The following RNF38 variants were observed in gnomAD, a reference collection of about 807,000 sequenced individuals.
RNF38 encodes the protein E3 ubiquitin-protein ligase RNF38.
A neutral mutation model predicts 67.2 loss-of-function variants in RNF38; 15 were observed. That is an observed-to-expected ratio of 0.22 (90% confidence interval 0.15 to 0.34). The LOEUF is 0.34. RNF38 is among the 10% of genes least tolerant of loss of function. RNF38 has a pLI of 1.00. For synonymous variants in RNF38, 220 were observed against 218.8 expected, an observed-to-expected ratio of 1.01 and a Z score of -0.05; for missense variants, 524 against 639.9, an observed-to-expected ratio of 0.82 and a Z score of 1.95.
chr9:36,385,380 C>CTT (rs544217136), intron 2 of RNF38, among the ~76,000 whole-genome samples: 5,573 of 138,446 alleles, frequency 0.04, 193 homozygotes, highest in Admixed American at 0.12. Flanking sequence ...TCCACTACAG[C>CTT]TTTTTTTTTT....
Position 36,459,067 on chromosome 9 carries a change from G to A in RNF38, n.241+28241C>T, listed in dbSNP as rs182520509. On this transcript the variant is annotated intron_variant and non_coding_transcript_variant, in intron 1 of 3. Coordinates refer to the RNF38 transcript ENST00000488058. ...TACTAAAAATACAAAAATTAGGTGG[G>A]CGTGGTAGTGCAGGCCTGCAATCCC... Among the ~76,000 whole-genome samples the A allele has an allele frequency of 2.8e-3, 420 of 152,116 alleles. 3 individuals carry two copies. Among genetic ancestry groups the A allele is most frequent in the Middle Eastern group, 6.8e-3 (2 of 294 alleles).
At chr9:36,375,242 G>A (rs1018742935) in intron 3 of RNF38, among the ~76,000 whole-genome samples, 2 of 152,166 alleles carry the variant, frequency 1.3e-5, no homozygotes. Flanking sequence ...CAACGCTAGA[G>A]TGCAGTGGAA....
chr9:36,390,538 G>A lies in RNF38; in HGVS notation c.91C>T (p.Leu31=), dbSNP rs778270316. 1.3e-5 allele frequency: 21 copies of A among 1,614,048 alleles called. No homozygotes were observed. Among genetic ancestry groups the A allele is most frequent in the Non-Finnish European group, 1.8e-5 (21 of 1,179,936 alleles). The stretch of plus-strand genomic sequence containing the variant: ...TGATCACTTGGGAGGAGAGGGAACA[G>A]GCTCTGAAGTCTCACCCTTTCACAA... ...VICERVRLQS[L]FPLLPSDQNT... The change falls in exon 2 of 12, where the codon CTG becomes TTG. Residue 31 remains leucine, a synonymous_variant. Coordinates refer to ENST00000259605, the MANE Select transcript of RNF38 (RefSeq NM_022781.5).
At chr9:36,479,732 G>A (rs1363723564) in intron 1 of RNF38, among the ~76,000 whole-genome samples, 3 of 151,226 alleles carry the variant, frequency 2.0e-5, no homozygotes, top group Non-Finnish European at 4.4e-5. Context: ...ATCTACATAG[G>A]AAGACAAATC....
intron 2 of RNF38, among the ~76,000 whole-genome samples, chr9:36,386,376 T>G (rs1358841183): frequency 6.6e-6 from 1 of 152,268 alleles, no homozygotes; most frequent in Admixed American, 6.5e-5. Context: ...AGAAATTTCA[T>G]TAAGTCTACA....
chr9:36,342,889 G>C (rs2381484), intron 10 of RNF38, among the ~76,000 whole-genome samples: 143,721 of 152,254 alleles, frequency 0.94, 68,351 homozygotes, highest in East Asian at 1. Context: ...GAATTAACAA[G>C]AAAAAAAGAA....
At chr9:36,466,618 T>C (rs1463470274) in intron 1 of RNF38, among the ~76,000 whole-genome samples, 1 of 152,146 alleles carries the variant, frequency 6.6e-6, no homozygotes, top group Non-Finnish European at 1.5e-5. Flanking sequence ...AATTTATAAA[T>C]ACTGACTTGG....
At chr9:36,426,118 G>A (rs1838763845) in intron 1 of RNF38, among the ~76,000 whole-genome samples, 2 of 152,192 alleles carry the variant, frequency 1.3e-5, no homozygotes, top group South Asian at 4.1e-4. Flanking sequence ...GATACTTCCA[G>A]ATATGTAGAG....
At chr9:36,395,110 C>G (rs7021367) in intron 1 of RNF38, among the ~76,000 whole-genome samples, 119 of 152,256 alleles carry the variant, frequency 7.8e-4, no homozygotes, top group African/African-American at 2.8e-3. Flanking sequence ...TTACAGAAAA[C>G]AGTTTAACCT....
At chr9:36,466,526 G>C (rs1028363318) in intron 1 of RNF38, among the ~76,000 whole-genome samples, 7 of 152,144 alleles carry the variant, frequency 4.6e-5, no homozygotes, top group African/African-American at 1.7e-4. Flanking sequence ...TTCACACTAT[G>C]ATGATTCATT....
intron 1 of RNF38, among the ~76,000 whole-genome samples, chr9:36,468,281 G>T (rs771200143): frequency 6.7e-6 from 1 of 149,532 alleles, no homozygotes; most frequent in Non-Finnish European, 1.5e-5. Context: ...ATTGCTTCTA[G>T]AAGTGCCAAA....
intron 9 of RNF38, among the ~76,000 whole-genome samples, chr9:36,350,895 TA>T (rs1003449813): frequency 2.0e-5 from 3 of 152,112 alleles, no homozygotes; most frequent in African/African-American, 7.2e-5. Context: ...CACAAATTCA[TA>T]AACTTTCACA....
At chr9:36,346,989 G>A (rs1462867447) in intron 9 of RNF38, among the ~76,000 whole-genome samples, 4 of 151,754 alleles carry the variant, frequency 2.6e-5, no homozygotes, top group Non-Finnish European at 5.9e-5. Context: ...GCATGGTGGC[G>A]TGCACCTGTA....
intron 1 of RNF38, among the ~76,000 whole-genome samples, chr9:36,445,582 A>T (rs1328350022): frequency 1.3e-5 from 2 of 152,210 alleles, no homozygotes; most frequent in African/African-American, 4.8e-5. Context: ...GGGATGAGAG[A>T]GAGTGAAACA....
At chr9:36,476,341 A>T (rs1169710287) in intron 1 of RNF38, among the ~76,000 whole-genome samples, 27 of 151,688 alleles carry the variant, frequency 1.8e-4, no homozygotes, top group Admixed American at 1.8e-3. Flanking sequence ...TCTTGAACTG[A>T]CCTCAGGTGA....
At chr9:36,352,371 T>C (rs1833760030) in intron 8 of RNF38, among the ~76,000 whole-genome samples, 1 of 150,542 alleles carries the variant, frequency 6.6e-6, no homozygotes, top group Non-Finnish European at 1.5e-5. Flanking sequence ...TTAATCCAAA[T>C]AGAGTAGTTC....
rs2133314451 is a variant in RNF38 at position 36,340,720 on chromosome 9, C to A, written c.1486-906G>T. ...AAGTCACAGAAAACATTTAGTGGTA[C>A]CGAGGAAAGCTTGATTGTAAAATAG... is the stretch of plus-strand genomic sequence containing the variant. On this transcript the variant is annotated intron_variant, in intron 11 of 11. Transcript: ENST00000259605. 1.3e-5 allele frequency among the ~76,000 whole-genome samples: 2 copies of A among 152,280 alleles called. 1 individual carries two copies. Among genetic ancestry groups the A allele is most frequent in the South Asian group, 4.1e-4 (2 of 4,826 alleles).
chr9:36,421,117 C>T (rs911164212), intron 2 of RNF38, among the ~76,000 whole-genome samples: 3 of 152,140 alleles, frequency 2.0e-5, no homozygotes, highest in Non-Finnish European at 4.4e-5. Context: ...AGTGAGAAAA[C>T]TTATAAGAAA....
intron 3 of RNF38, among the ~76,000 whole-genome samples, chr9:36,375,363 TG>T (rs1434369221): frequency 1.3e-5 from 2 of 152,168 alleles, no homozygotes; most frequent in East Asian, 3.9e-4. Context: ...GCTAATTTTT[TG>T]TTTTTTTGAG....
Sources: gnomAD v4.1 joint callset for allele counts (sites outside exome capture counted in the v4.1 genomes callset) on GRCh38, gnomAD v4.1.1 for gene constraint, MANE v1.5 for transcripts, NCBI Gene and HGNC (gene_info 2026-07-23, HGNC 2026-07-21) for gene names.